TTC7A: variants seen among roughly 807,000 people sequenced by gnomAD.
TTC7A encodes the protein tetratricopeptide repeat domain 7A.
A neutral mutation model predicts 103.7 loss-of-function variants in TTC7A; 110 were observed. The observed-to-expected ratio is 1.06, with a 90% CI of 0.91 to 1.24. TTC7A has a LOEUF of 1.24. Among genes scored for constraint, TTC7A ranks in the 50% most tolerant of loss-of-function variants. The pLI is 0.00. For missense variants in TTC7A, 1,340 were observed against 1,116.3 expected (o/e 1.20, Z -2.86); for synonymous variants, 521 against 467.9 (o/e 1.11, Z -1.47).
intron 2 of TTC7A, among the ~76,000 whole-genome samples, chr2:46,924,203 C>G (rs1462455791): frequency 7.3e-6 from 1 of 137,796 alleles, no homozygotes; most frequent in African/African-American, 2.8e-5. Flanking sequence ...GATCCTGTCT[C>G]TTTAAAAAAA....
At chr2:46,924,114 G>A (rs548997132) in intron 2 of TTC7A, among the ~76,000 whole-genome samples, 1 of 151,936 alleles carries the variant, frequency 6.6e-6, no homozygotes, top group South Asian at 2.1e-4. Context: ...AGAGGTGAGA[G>A]GATCGCCTGG....
chr2:47,006,203 C>A, intron 9 of TTC7A, 144 bp downstream of exon 9: 1 of 1,043,634 alleles, frequency 9.6e-7, no homozygotes, highest in Non-Finnish European at 1.4e-6. Context: ...TTGTACAAGT[C>A]TCAGCTTCCT....
intron 11 of TTC7A, 117 bp from the exon 12 acceptor site, chr2:47,021,745 T>C (rs1159416991): frequency 1.3e-6 from 1 of 793,400 alleles, no homozygotes; most frequent in Non-Finnish European, 2.2e-6. Context: ...CCTGTGAGAG[T>C]AAGGCCCTGT....
chr2:47,046,196 C>A (rs1431835415), intron 15 of TTC7A, 119 bp from the exon 16 acceptor site: 5 of 752,452 alleles, frequency 6.6e-6, no homozygotes, highest in African/African-American at 1.7e-5. Flanking sequence ...GCCCTCATGG[C>A]ACTCTGCTTT....
intron 14 of TTC7A, among the ~76,000 whole-genome samples, chr2:47,027,307 G>C (rs932088693): frequency 6.6e-6 from 1 of 152,156 alleles, no homozygotes; most frequent in Non-Finnish European, 1.5e-5. Flanking sequence ...CACAAGGAGG[G>C]CTGGCCTTGA....
chr2:47,073,785 C>G lies in TTC7A; in HGVS notation c.2439C>G (p.His813Gln), dbSNP rs145740358. The G allele has an allele frequency of 6.2e-7, 1 of 1,613,784 alleles. No individual in the cohort carries two copies. Among genetic ancestry groups the G allele is most frequent in the Non-Finnish European group, 8.5e-7 (1 of 1,180,026 alleles). The stretch of plus-strand genomic sequence containing the variant: ...CCGTGGAGAGGCAGAGTACGTGCCA[C>G]GAGGCGTGGCAGGGCCTGGGCGAGG... ...RDAVERQSTC[H>Q]EAWQGLGEVL... Residue 813 changes from histidine to glutamine, a missense_variant, in exon 20 of 20, where the codon CAC (histidine) becomes CAG (glutamine). By Grantham distance (24) the His-to-Gln change is conservative (BLOSUM62 0). Coordinates refer to ENST00000319190, the MANE Select transcript of TTC7A (RefSeq NM_020458.4).
intron 19 of TTC7A, chr2:47,065,633 C>T (rs1399347780): frequency 1.3e-5 from 2 of 152,214 alleles, no homozygotes; most frequent in Non-Finnish European, 2.9e-5. Flanking sequence ...TTTCTTTTCT[C>T]TGCTTCTTCT....
chr2:46,994,650 C>A, intron 7 of TTC7A, 136 bp downstream of exon 7: 1 of 873,854 alleles, frequency 1.1e-6, no homozygotes, highest in Non-Finnish European at 1.8e-6. Flanking sequence ...CCTCCTCAGT[C>A]TCAGCAGGAG....
upstream of TTC7A, among the ~76,000 whole-genome samples, chr2:46,940,732 C>CGCGGGCCTGGGA (rs1286782505): frequency 2.6e-5 from 4 of 152,318 alleles, no homozygotes; most frequent in Admixed American, 2.0e-4. The surrounding 1 kb of genome is among the most constrained non-coding windows in gnomAD (Gnocchi z 4.7). Flanking sequence ...TCCAGAGAGT[C>CGCGGGCCTGGGA]GCGGGCCTGG....
At chr2:47,046,135 A>T (rs1162203212) in intron 15 of TTC7A, among the ~76,000 whole-genome samples, 180 bp from the exon 16 acceptor site, 4 of 152,190 alleles carry the variant, frequency 2.6e-5, no homozygotes, top group Non-Finnish European at 4.4e-5. Flanking sequence ...ATGGGGAGAA[A>T]CTGAGGCACA....
chr2:46,928,632 T>C (rs892077135), intron 2 of TTC7A, among the ~76,000 whole-genome samples: 7 of 151,856 alleles, frequency 4.6e-5, no homozygotes, highest in African/African-American at 1.7e-4. Flanking sequence ...TGACCAGATG[T>C]GGTGACACAC....
At chr2:46,958,587 G>T (rs1672102042) in intron 3 of TTC7A, 1 of 1,288,466 alleles carries the variant, frequency 7.8e-7, no homozygotes, top group African/African-American at 1.5e-5. Context: ...CGGGCTGCTT[G>T]GTCTCAGGCT....
At chr2:46,975,454 G>A (rs1673785338) in intron 4 of TTC7A, among the ~76,000 whole-genome samples, 1 of 151,836 alleles carries the variant, frequency 6.6e-6, no homozygotes, top group South Asian at 2.1e-4. Context: ...CGGTGTCCCA[G>A]AAGCTCCTCC....
At chr2:46,946,280 C>G (rs1670930970) in intron 1 of TTC7A, among the ~76,000 whole-genome samples, 3 of 152,098 alleles carry the variant, frequency 2.0e-5, no homozygotes, top group Non-Finnish European at 4.4e-5. Context: ...TCTTAAATGC[C>G]CCTGGGTAGA....
chr2:47,038,060 G>C (rs1681308427), intron 15 of TTC7A, among the ~76,000 whole-genome samples: 2 of 151,932 alleles, frequency 1.3e-5, no homozygotes, highest in Non-Finnish European at 2.9e-5. Flanking sequence ...AGACCAGCCT[G>C]ACCAACATAG....
chr2:46,974,938 C>T (rs1374028742), intron 3 of TTC7A, 35 bp from the exon 4 acceptor site: 2 of 1,607,136 alleles, frequency 1.2e-6, no homozygotes, highest in African/African-American at 2.7e-5. Context: ...GGGGCCCGAG[C>T]AGGACAGGTC....
At chr2:47,012,683 T>C (rs1394917861) in intron 11 of TTC7A, among the ~76,000 whole-genome samples, 3 of 152,188 alleles carry the variant, frequency 2.0e-5, no homozygotes, top group Non-Finnish European at 2.9e-5. Context: ...TTCCCTGGGA[T>C]TGGAAACTGG....
At chr2:46,928,420 C>G (rs1669512988) in intron 2 of TTC7A, among the ~76,000 whole-genome samples, 2 of 136,264 alleles carry the variant, frequency 1.5e-5, no homozygotes, top group Non-Finnish European at 3.1e-5. Flanking sequence ...ATGTGAGGCT[C>G]AAAGCCCTCT....
chr2:47,012,923 G>A (rs1678234319), intron 11 of TTC7A, among the ~76,000 whole-genome samples: 1 of 152,186 alleles, frequency 6.6e-6, no homozygotes, highest in South Asian at 2.1e-4. Flanking sequence ...CTGTCATTTA[G>A]GCTGGGGAGA....
Sources: allele counts gnomAD v4.1 joint callset (sites outside exome capture counted in the v4.1 genomes callset), GRCh38; gene constraint gnomAD v4.1.1; non-coding constraint Gnocchi (gnomAD v3.1); transcripts MANE v1.5; gene names NCBI Gene and HGNC (gene_info 2026-07-23, HGNC 2026-07-21).